The following ARG1 variants were observed in gnomAD, a reference collection of about 807,000 sequenced individuals.
The protein encoded by ARG1 is arginase-1.
Under a neutral mutation model 33.0 loss-of-function variants are expected in ARG1, and 20 were observed. The ratio of observed to expected loss-of-function variants is 0.61; its 90% CI spans 0.43 to 0.88. ARG1 has a LOEUF of 0.88. Among genes scored for constraint, ARG1 ranks in the 40% least tolerant of loss-of-function variants. ARG1 has a pLI of 0.00. For missense variants in ARG1, 374 were observed against 384.7 expected, an observed-to-expected ratio of 0.97 and a Z score of 0.23; for synonymous variants, 146 against 140.6, an observed-to-expected ratio of 1.04 and a Z score of -0.27.
At chr6:131,574,239 G>A (rs886722684) in intron 1 of ARG1, 1 of 1,608,486 alleles carries the variant, frequency 6.2e-7, no homozygotes, top group Non-Finnish European at 8.5e-7. Context: ...CTCAGGATCT[G>A]GGCAGCGTTT....
Position 131,579,296 on chromosome 6 carries a change from A to G in ARG1, c.305+11A>G. The G allele has an allele frequency of 6.2e-7, 1 of 1,613,886 alleles. No homozygotes were observed. Among genetic ancestry groups the G allele is most frequent in the Non-Finnish European group, 8.5e-7 (1 of 1,179,890 alleles). Reference sequence around the variant, plus strand: ...GGGCGGAGACCACAGGTCTTGTTGAATAACTGTGTCTATGGGAATCTGGCA... The same window carrying G: ...GGGCGGAGACCACAGGTCTTGTTGAGTAACTGTGTCTATGGGAATCTGGCA... On this transcript the variant is annotated intron_variant, in intron 3 of 7. Transcript: ENST00000368087.
intron 2 of ARG1, 80 bp downstream of exon 2, chr6:131,576,815 T>C: frequency 7.9e-7 from 1 of 1,262,078 alleles, no homozygotes; most frequent in Non-Finnish European, 1.2e-6. Flanking sequence ...GAACCTGGAG[T>C]GTGTCTGGAA....
At chr6:131,573,964 G>T (rs763244924) in intron 1 of ARG1, 26 of 386,380 alleles carry the variant, frequency 6.7e-5, no homozygotes, top group Non-Finnish European at 9.6e-5. Flanking sequence ...TCCTACTGCG[G>T]GTTGGCAACT....
At chr6:131,582,828 C>A in intron 5 of ARG1, 113 bp downstream of exon 5, 2 of 881,940 alleles carry the variant, frequency 2.3e-6, no homozygotes, top group Non-Finnish European at 3.8e-6. Flanking sequence ...CACACACACA[C>A]ACATGCCCAC....
At position 131,574,629 on chromosome 6, in the gene ARG1, T is replaced by C. The variant is rs77656388; in HGVS notation, c.57+1290T>C. Among the ~76,000 whole-genome samples the C allele has an allele frequency of 7.5e-3, 1,135 of 151,870 alleles. 16 individuals are homozygous for C. The highest frequency in any genetic ancestry group is 0.025 in the African/African-American group (1,040 of 41,234). On this transcript the variant is annotated intron_variant, in intron 1 of 7. Transcript: ENST00000368087. ...GAGAGAGATTTTTTACACTAAGTCA[T>C]AGAGTAGAGAGGATAAAATGGCCAA...
chr6:131,583,245 T>C, intron 6 of ARG1, 81 bp downstream of exon 6: 1 of 1,598,950 alleles, frequency 6.3e-7, no homozygotes, highest in Non-Finnish European at 8.6e-7. Flanking sequence ...AATAAAGTCT[T>C]TACATGAAAT....
At chr6:131,574,725 G>A (rs1441556159) in intron 1 of ARG1, among the ~76,000 whole-genome samples, 1 of 152,120 alleles carries the variant, frequency 6.6e-6, no homozygotes, top group Non-Finnish European at 1.5e-5. Flanking sequence ...GGATTAGAGG[G>A]CAGATGACTA....
Position 131,574,024 on chromosome 6 carries a change from A to G in ARG1, c.57+685A>G, listed in dbSNP as rs1585393215. On this transcript the variant is annotated intron_variant, in intron 1 of 7. Transcript: ENST00000368087. ...GAAACCCCCAGATTTCCTTACAGCC[A>G]CGAGCTGTGAATCCACACATGCCAG... 15 of 513,906 alleles carry G rather than the reference A, an allele frequency of 2.9e-5. No homozygotes were observed. The East Asian group carries it at 4.9e-4, about 17-fold the overall frequency. 31.8% of individuals were successfully genotyped at this position (513,906 alleles called of 1,614,324 possible). A position where few individuals can be genotyped will look rare whatever the true frequency, so the allele number is the denominator to read the frequency against.
rs757518422 is a variant in ARG1, at chr6:131,583,145, C to G, written c.646C>G (p.Leu216Val). 7.4e-6 allele frequency: 12 copies of G among 1,613,742 alleles called. No homozygotes were observed. Among genetic ancestry groups the G allele is most frequent in the Non-Finnish European group, 9.3e-6 (11 of 1,179,714 alleles). Residue 216 changes from leucine to valine, a missense_variant, in exon 6 of 8, where the codon CTC becomes GTC. Leu to Val is a conservative substitution (Grantham distance 32). Coordinates refer to ENST00000368087, the MANE Select transcript of ARG1 (RefSeq NM_000045.4). Reference protein sequence around the residue: ...LGIGKVMEETLSYLLGRKKRP... With the variant: ...LGIGKVMEETVSYLLGRKKRP... ...AATTGGCAAGGTGATGGAAGAAACA[C>G]TCAGCTATCTACTAGGAAGGTAGGA...
chr6:131,576,674 G>A lies in ARG1; in HGVS notation c.69G>A (p.Gly23=). The A allele has an allele frequency of 6.2e-7, 1 of 1,613,932 alleles. No homozygotes were observed. The highest frequency in any genetic ancestry group is 8.5e-7 in the Non-Finnish European group (1 of 1,179,858). ...APFSKGQPRG[G]VEEGPTVLRK... is the part of the protein sequence containing the mutation. ...TTTTAATTGTTCAGCCACGAGGAGG[G>A]GTGGAAGAAGGCCCTACAGTATTGA... Residue 23 remains glycine, a synonymous_variant, in exon 2 of 8, where the codon GGG becomes GGA. Transcript: ENST00000368087.
rs775638241 is a variant in ARG1 at position 131,581,209 on chromosome 6, T to C, written c.306-10T>C. 8.1e-6 allele frequency: 13 copies of C among 1,613,648 alleles called. No individual in the cohort carries two copies. The South Asian group carries it at 1.3e-4, about 16-fold the overall frequency. On this transcript the variant is annotated splice_polypyrimidine_tract_variant and intron_variant, in intron 3 of 7. Coordinates refer to ENST00000368087, the MANE Select transcript of ARG1 (RefSeq NM_000045.4). The stretch of plus-strand genomic sequence containing the variant: ...AACCTGATGTTCACACAAAATTTTT[T>C]CCCCAAAAGTTTGGCAATTGGAAGC...
At chr6:131,581,411 A>T (rs1338827157) in intron 4 of ARG1, 33 bp downstream of exon 4, 1 of 1,594,812 alleles carries the variant, frequency 6.3e-7, no homozygotes, top group Non-Finnish European at 8.6e-7. Context: ...AGTGCAATAG[A>T]ATACTTTTTA....
chr6:131,580,919 T>C (rs576944908), intron 3 of ARG1, among the ~76,000 whole-genome samples: 3 of 152,246 alleles, frequency 2.0e-5, no homozygotes, highest in African/African-American at 7.2e-5. Context: ...AGTATTTTTA[T>C]ACTCATTTAT....
At position 131,582,708 on chromosome 6, in the gene ARG1, G is replaced by A. The variant is rs768303250; in HGVS notation, c.553G>A (p.Gly185Arg). 7 of 1,613,532 alleles carry A rather than the reference G, an allele frequency of 4.3e-6. No homozygotes were observed. The highest frequency in any genetic ancestry group is 5.9e-6 in the Non-Finnish European group (7 of 1,179,598). The change falls in exon 5 of 8, where the codon GGG becomes AGG. Residue 185 changes from glycine to arginine, a missense_variant. By Grantham distance (125) the Gly-to-Arg change is moderately radical. Transcript: ENST00000368087. ...VYIGLRDVDP[G>R]EHYILKTLGI... ...TATTGGCTTGAGAGACGTGGACCCT[G>A]GGGAACAGTAAGCTTATTCCTTGAT...
chr6:131,577,048 T>C (rs777474086), intron 2 of ARG1, among the ~76,000 whole-genome samples: 16 of 151,958 alleles, frequency 1.1e-4, no homozygotes, highest in Non-Finnish European at 2.1e-4. Context: ...GAAGGCAAGG[T>C]GCAGCAGGAA....
chr6:131,579,233 G>A lies in ARG1; in HGVS notation c.253G>A (p.Ala85Thr). 1 of 1,614,142 alleles carries A rather than the reference G, an allele frequency of 6.2e-7. No homozygotes were observed. The highest frequency in any genetic ancestry group is 8.5e-7 in the Non-Finnish European group (1 of 1,180,020). The change falls in exon 3 of 8, where the codon GCA (alanine) becomes ACA (threonine). Residue 85 changes from alanine (A) to threonine (T), a missense_variant. By Grantham distance (58) the Ala-to-Thr change is moderately conservative. Coordinates refer to ENST00000368087, the MANE Select transcript of ARG1 (RefSeq NM_000045.4). The stretch of plus-strand genomic sequence containing the variant: ...AAGCGAGCAGCTGGCTGGCAAGGTG[G>A]CAGAAGTCAAGAAGAACGGAAGAAT... ...KASEQLAGKV[A>T]EVKKNGRISL... is the part of the protein sequence containing the mutation.
chr6:131,583,643 T>C, intron 7 of ARG1, 99 bp from the exon 8 acceptor site: 1 of 1,522,568 alleles, frequency 6.6e-7, no homozygotes, highest in Non-Finnish European at 9.0e-7. Context: ...CATCGGTTAC[T>C]ACCTTTTTCT....
At chr6:131,579,942 T>C (rs1330834590) in intron 3 of ARG1, among the ~76,000 whole-genome samples, 1 of 152,136 alleles carries the variant, frequency 6.6e-6, no homozygotes, top group Non-Finnish European at 1.5e-5. Context: ...GGGATGTGCA[T>C]AAGCATCATA....
In ARG1 at chr6:131,581,367, C is replaced by A. The variant is rs1562359129; in HGVS notation, c.454C>A (p.Leu152Ile). 2 of 1,612,858 alleles carry A rather than the reference C, an allele frequency of 1.2e-6. No individual in the cohort carries two copies. The highest frequency in any genetic ancestry group is 1.7e-6 in the Non-Finnish European group (2 of 1,179,426). ...ACCTGTATCTTTCCTCCTGAAGGAA[C>A]TAAAAGGAAAGGTAAAAGACTGGTT... ...GQPVSFLLKELKGKIPDVPGF... is the reference protein window; with the variant it reads ...GQPVSFLLKEIKGKIPDVPGF... The change falls in exon 4 of 8, where the codon CTA becomes ATA. Residue 152 changes from leucine to isoleucine, a missense_variant. By Grantham distance (5) the Leu-to-Ile change is conservative. Transcript: ENST00000368087.
Sources: allele counts gnomAD v4.1 joint callset (sites outside exome capture counted in the v4.1 genomes callset), GRCh38; gene constraint gnomAD v4.1.1; transcripts MANE v1.5; gene names NCBI Gene and HGNC (gene_info 2026-07-23, HGNC 2026-07-21).